AOPEP: variants seen among roughly 807,000 people sequenced by gnomAD.
The protein encoded by AOPEP is aminopeptidase O (putative).
In AOPEP, 77 loss-of-function variants were observed where a neutral mutation model predicts 98.1. The ratio of observed to expected loss-of-function variants is 0.78; its 90% CI spans 0.65 to 0.95. The LOEUF (loss-of-function observed/expected upper bound fraction) is 0.95. AOPEP is among the 40% of genes least tolerant of loss of function. The pLI, the probability that AOPEP is intolerant of heterozygous loss-of-function variation, is 0.00. For missense variants in AOPEP, 1,024 were observed against 1,024.7 expected, an observed-to-expected ratio of 1.00 and a Z score of 0.01; for synonymous variants, 346 against 365.3, an observed-to-expected ratio of 0.95 and a Z score of 0.60.
intron 7 of AOPEP, among the ~76,000 whole-genome samples, chr9:94,941,217 G>T (rs1245039759): frequency 6.6e-6 from 1 of 152,202 alleles, no homozygotes; most frequent in Non-Finnish European, 1.5e-5. Context: ...TCTGGCCTCT[G>T]TTCAAAATCT....
At chr9:95,101,796 A>G in the AOPEP span, 7 of 1,614,020 alleles carry the variant, frequency 4.3e-6, no homozygotes, top group African/African-American at 8.0e-5. Context: ...CATCTGTACA[A>G]GGTCTGGTCA....
chr9:95,082,399 A>AT (rs2069913780), intron 15 of AOPEP, among the ~76,000 whole-genome samples, 176 bp from the exon 16 acceptor site: 1 of 152,150 alleles, frequency 6.6e-6, no homozygotes, highest in Non-Finnish European at 1.5e-5. Context: ...GGAGACAGGG[A>AT]TTGCAGACTG....
chr9:95,097,503 C>T, the AOPEP span, among the ~76,000 whole-genome samples: 1,596 of 152,314 alleles, frequency 0.01, 27 homozygotes, highest in African/African-American at 0.037. Flanking sequence ...GGAGTGGGGT[C>T]CGGAAGGGCT....
At chr9:94,807,875 C>T (rs180955692) in intron 5 of AOPEP, among the ~76,000 whole-genome samples, 15 of 152,312 alleles carry the variant, frequency 9.8e-5, no homozygotes, top group Non-Finnish European at 1.6e-4. Context: ...AGGCAAAGTA[C>T]AATGTGTGAA....
chr9:94,763,758 G>T (rs995485961), intron 2 of AOPEP, among the ~76,000 whole-genome samples: 1 of 152,212 alleles, frequency 6.6e-6, no homozygotes, highest in African/African-American at 2.4e-5. Context: ...ACAAGGGGCC[G>T]TCCGAAAGAG....
rs576679688 is a variant in AOPEP at position 94,733,267 on chromosome 9, C to G, written c.-136+6516C>G. Among the ~76,000 whole-genome samples, 47 of 152,070 alleles carry G rather than the reference C, an allele frequency of 3.1e-4. No individual in the cohort carries two copies. The Middle Eastern group carries it at 0.014, about 44-fold the overall frequency. On this transcript the variant is annotated intron_variant, in intron 1 of 16. Coordinates refer to ENST00000375315, the MANE Select transcript of AOPEP (RefSeq NM_001193329.3). ...GACTACAGGTGCGCACCACCATGCT[C>G]AGCTAATTTTTTGTATTTTCTTTAG...
chr9:95,040,828 A>G (rs1464694252), intron 13 of AOPEP, among the ~76,000 whole-genome samples: 2 of 152,228 alleles, frequency 1.3e-5, no homozygotes, highest in African/African-American at 2.4e-5. Context: ...AGTGACAGCA[A>G]TGCCAAATGA....
At chr9:94,741,187 T>C (rs1251774631) in intron 1 of AOPEP, among the ~76,000 whole-genome samples, 1 of 152,152 alleles carries the variant, frequency 6.6e-6, no homozygotes, top group East Asian at 1.9e-4. Flanking sequence ...TTGTGAATGG[T>C]AAGGATTTTG....
intron 5 of AOPEP, among the ~76,000 whole-genome samples, chr9:94,840,038 G>T (rs2042099131): frequency 6.6e-6 from 1 of 152,186 alleles, no homozygotes; most frequent in African/African-American, 2.4e-5. Context: ...AAAGTGCTGG[G>T]ATTACAGGTG....
intron 16 of AOPEP, 134 bp downstream of exon 16, chr9:95,082,853 T>C (rs567878186): frequency 4.2e-5 from 44 of 1,039,012 alleles, no homozygotes; most frequent in Admixed American, 2.8e-4. Flanking sequence ...GCCCAGGGCC[T>C]GGAGAGTAAC....
At chr9:94,787,675 C>T (rs1007701020) in intron 3 of AOPEP, among the ~76,000 whole-genome samples, 14 of 152,096 alleles carry the variant, frequency 9.2e-5, no homozygotes, top group African/African-American at 3.1e-4. Flanking sequence ...TGGTACCAGA[C>T]GTGTTATTCT....
At chr9:94,752,118 G>A (rs1835940366) in intron 1 of AOPEP, among the ~76,000 whole-genome samples, 2 of 151,968 alleles carry the variant, frequency 1.3e-5, no homozygotes, top group African/African-American at 4.8e-5. Context: ...GAACTCCTGG[G>A]CTCAAGTGAT....
At position 94,984,006 on chromosome 9, in the gene AOPEP, G is replaced by C. The variant is rs529326973; in HGVS notation, c.1977+4579G>C. Among the ~76,000 whole-genome samples the C allele has an allele frequency of 9.9e-5, 15 of 151,830 alleles. No homozygotes were observed. The South Asian group carries it at 3.1e-3, about 32-fold the overall frequency. On this transcript the variant is annotated intron_variant, in intron 11 of 16. Transcript: ENST00000375315. ...AGCTACATGTGGTTGGTAAGCACTT[G>C]AAATATATCGAAAGCACCTGAGGAG...
At chr9:94,848,954 A>T (rs1454086039) in intron 5 of AOPEP, among the ~76,000 whole-genome samples, 1 of 152,032 alleles carries the variant, frequency 6.6e-6, no homozygotes, top group Non-Finnish European at 1.5e-5. Context: ...TTTTCTTGGT[A>T]TTTTTAGTAG....
At chr9:94,891,169 T>C (rs1301820773) in intron 5 of AOPEP, among the ~76,000 whole-genome samples, 1 of 152,184 alleles carries the variant, frequency 6.6e-6, no homozygotes, top group Non-Finnish European at 1.5e-5. Context: ...TGGCAGAGAG[T>C]AATGTTTGTC....
rs980356833 is a variant in AOPEP at position 94,949,926 on chromosome 9, T to C, written c.1662-5251T>C. On this transcript the variant is annotated intron_variant, in intron 7 of 16. Coordinates refer to ENST00000375315, the MANE Select transcript of AOPEP (RefSeq NM_001193329.3). ...GCTTAGTAGGACTTTATGTGGCTCT[T>C]GAAATTTGTTGTTTCTTTTATTTAT... is the stretch of plus-strand genomic sequence containing the variant. Among the ~76,000 whole-genome samples, 4 of 152,352 alleles carry C rather than the reference T, an allele frequency of 2.6e-5. No individual in the cohort carries two copies. In the East Asian group the frequency reaches 7.7e-4, roughly 29 times the overall value.
intron 3 of AOPEP, among the ~76,000 whole-genome samples, chr9:94,781,656 G>T (rs1289656453): frequency 6.6e-6 from 1 of 150,698 alleles, no homozygotes; most frequent in Non-Finnish European, 1.5e-5. Context: ...TGCCTCCCAG[G>T]TTTACGCCAT....
intron 5 of AOPEP, among the ~76,000 whole-genome samples, chr9:94,801,603 T>C (rs764110552): frequency 6.6e-6 from 1 of 152,250 alleles, no homozygotes; most frequent in Non-Finnish European, 1.5e-5. Context: ...TTTTAACAAA[T>C]GCACTTTTGC....
intron 5 of AOPEP, among the ~76,000 whole-genome samples, chr9:94,864,167 G>C (rs1398534298): frequency 6.6e-6 from 1 of 152,144 alleles, no homozygotes; most frequent in African/African-American, 2.4e-5. Flanking sequence ...GTAATTATTA[G>C]AGATAGAACA....
Sources: allele counts gnomAD v4.1 joint callset (sites outside exome capture counted in the v4.1 genomes callset), GRCh38; gene constraint gnomAD v4.1.1; transcripts MANE v1.5; gene names NCBI Gene and HGNC (gene_info 2026-07-23, HGNC 2026-07-21).